The following ARID4B variants were observed in gnomAD, a reference collection of about 807,000 sequenced individuals.
ARID4B encodes the protein AT-rich interactive domain-containing protein 4B.
Under a neutral mutation model 147.5 loss-of-function variants are expected in ARID4B, and 26 were observed. The observed-to-expected ratio is 0.18, with a 90% CI of 0.13 to 0.24. The LOEUF (loss-of-function observed/expected upper bound fraction) is 0.24, where lower values mean the gene tolerates loss of function less well. Ranked by LOEUF, ARID4B falls within the 10% of genes least tolerant of loss-of-function variation. ARID4B has a pLI of 1.00. For synonymous variants in ARID4B, 512 were observed against 507.9 expected (o/e 1.01, Z -0.11); for missense variants, 1,179 against 1,511.5 (o/e 0.78, Z 3.65).
intron 9 of ARID4B, among the ~76,000 whole-genome samples, chr1:235,231,417 T>G (rs969464720): frequency 6.6e-6 from 1 of 152,224 alleles, no homozygotes; most frequent in Non-Finnish European, 1.5e-5. Context: ...AGAGCTATTT[T>G]ATAAACACCA....
At chr1:235,321,625 C>T (rs556055127) in intron 2 of ARID4B, among the ~76,000 whole-genome samples, 6 of 152,112 alleles carry the variant, frequency 3.9e-5, no homozygotes, top group African/African-American at 1.2e-4. Context: ...CCTGCCTCAG[C>T]GTCCTACAGG....
At chr1:235,284,345 G>C (rs1027847966) in intron 2 of ARID4B, among the ~76,000 whole-genome samples, 1 of 152,192 alleles carries the variant, frequency 6.6e-6, no homozygotes, top group African/African-American at 2.4e-5. Flanking sequence ...CAGCGACAGA[G>C]CGAGACTCCG....
chr1:235,308,335 G>C (rs1673727286), intron 2 of ARID4B, among the ~76,000 whole-genome samples: 1 of 151,446 alleles, frequency 6.6e-6, no homozygotes, highest in Admixed American at 6.6e-5. Flanking sequence ...AACTCCTCCT[G>C]ACTTCAAGTG....
At chr1:235,268,845 T>C (rs1670783795) in intron 2 of ARID4B, among the ~76,000 whole-genome samples, 2 of 152,110 alleles carry the variant, frequency 1.3e-5, no homozygotes, top group African/African-American at 2.4e-5. Context: ...GATTTCAAGG[T>C]TGGACAGAGA....
intron 2 of ARID4B, among the ~76,000 whole-genome samples, chr1:235,322,935 T>C (rs563805809): frequency 2.6e-5 from 4 of 152,060 alleles, no homozygotes; most frequent in Non-Finnish European, 4.4e-5. Flanking sequence ...AAAAGGGAAT[T>C]TGTAATCAAT....
intron 8 of ARID4B, 121 bp from the exon 9 acceptor site, chr1:235,234,613 G>A: frequency 1.5e-6 from 1 of 647,178 alleles, no homozygotes; most frequent in South Asian, 2.0e-5. Flanking sequence ...TTAGTTTGAG[G>A]GTAAACAGGC....
chr1:235,265,934 C>T (rs1031276963), intron 2 of ARID4B, among the ~76,000 whole-genome samples: 1 of 151,782 alleles, frequency 6.6e-6, no homozygotes. Context: ...ACCTGGGAGG[C>T]AATTGTTTTT....
At chr1:235,243,864 A>T (rs1485566891) in intron 7 of ARID4B, among the ~76,000 whole-genome samples, 1 of 152,168 alleles carries the variant, frequency 6.6e-6, no homozygotes, top group Non-Finnish European at 1.5e-5. Flanking sequence ...AAAGGGTTTT[A>T]ATTTTTTTCT....
intron 19 of ARID4B, chr1:235,187,077 CTTTTTTTTT>C (rs11335836): frequency 2.6e-5 from 7 of 267,220 alleles, no homozygotes; most frequent in African/African-American, 6.5e-5. Flanking sequence ...GCATCTTATT[CTTTTTTTTT>C]TTTTTTTTTT....
At chr1:235,243,012 T>C (rs1572061949) in intron 7 of ARID4B, among the ~76,000 whole-genome samples, 1 of 152,132 alleles carries the variant, frequency 6.6e-6, no homozygotes. Flanking sequence ...ACACCAAGTA[T>C]GTGAATCCAA....
chr1:235,246,217 G>A (rs543956809), intron 7 of ARID4B, among the ~76,000 whole-genome samples: 1 of 152,300 alleles, frequency 6.6e-6, no homozygotes, highest in South Asian at 2.1e-4. Context: ...AGAAATTGAA[G>A]GCAGATACAG....
intron 2 of ARID4B, among the ~76,000 whole-genome samples, chr1:235,266,465 C>A (rs1467167725): frequency 6.6e-6 from 1 of 152,182 alleles, no homozygotes; most frequent in Non-Finnish European, 1.5e-5. Flanking sequence ...AAATTACCAT[C>A]CCTTTGTTGA....
intron 19 of ARID4B, among the ~76,000 whole-genome samples, chr1:235,188,892 G>C (rs1266694428): frequency 6.6e-6 from 1 of 151,786 alleles, no homozygotes; most frequent in Non-Finnish European, 1.5e-5. Context: ...ATAATCATAA[G>C]ACAGCCAGGA....
At chr1:235,327,252 A>C in intron 1 of ARID4B, 4 of 224,744 alleles carry the variant, frequency 1.8e-5, no homozygotes, top group African/African-American at 2.3e-5. Context: ...AGAAACTCAC[A>C]ACAAGCCCGG....
At chr1:235,208,775 C>T (rs966840111) in intron 17 of ARID4B, among the ~76,000 whole-genome samples, 1 of 152,110 alleles carries the variant, frequency 6.6e-6, no homozygotes, top group African/African-American at 2.4e-5. Context: ...CCTCGGCCTC[C>T]CAAAGTGCTG....
intron 17 of ARID4B, among the ~76,000 whole-genome samples, chr1:235,206,583 A>C (rs1666319422): frequency 6.6e-6 from 1 of 152,204 alleles, no homozygotes. Context: ...CTTAATTTTG[A>C]GAAAGGAAGA....
intron 15 of ARID4B, 117 bp downstream of exon 15, chr1:235,220,185 A>C: frequency 1.0e-6 from 1 of 993,376 alleles, no homozygotes; most frequent in South Asian, 3.0e-5. Context: ...CACTTAATGA[A>C]GAAAATAAAC....
intron 2 of ARID4B, among the ~76,000 whole-genome samples, chr1:235,299,278 A>G (rs1475813849): frequency 2.6e-5 from 4 of 152,162 alleles, no homozygotes; most frequent in Non-Finnish European, 5.9e-5. Context: ...CAATGGCGTG[A>G]TCTTGGCTCA....
chr1:235,263,303 A>G (rs1427102358), intron 2 of ARID4B, among the ~76,000 whole-genome samples: 1 of 152,226 alleles, frequency 6.6e-6, no homozygotes, highest in Non-Finnish European at 1.5e-5. Flanking sequence ...GAATTGATAC[A>G]CTTTTAAATT....
Sources: gnomAD v4.1 joint callset for allele counts (sites outside exome capture counted in the v4.1 genomes callset) on GRCh38, gnomAD v4.1.1 for gene constraint, MANE v1.5 for transcripts, NCBI Gene and HGNC (gene_info 2026-07-23, HGNC 2026-07-21) for gene names.